RPS6KC1: variants seen among roughly 807,000 people sequenced by gnomAD.
RPS6KC1 encodes inactive ribosomal protein S6 kinase delta-1.
A neutral mutation model predicts 103.8 loss-of-function variants in RPS6KC1; 54 were observed. The ratio of observed to expected loss-of-function variants is 0.52; its 90% CI spans 0.42 to 0.65. RPS6KC1 has a LOEUF of 0.65. Ranked by LOEUF, RPS6KC1 falls within the 30% of genes least tolerant of loss-of-function variation. The probability of loss-of-function intolerance (pLI) is 0.00; values close to 1 mark genes in which losing one functional copy is unlikely to be tolerated. For missense variants in RPS6KC1, 1,151 were observed against 1,253.8 expected, an observed-to-expected ratio of 0.92 and a Z score of 1.24; for synonymous variants, 439 against 438.7, an observed-to-expected ratio of 1.00 and a Z score of -0.01.
chr1:213,828,067 C>T, the RPS6KC1 span, among the ~76,000 whole-genome samples: 4 of 151,866 alleles, frequency 2.6e-5, no homozygotes, highest in African/African-American at 9.7e-5. Flanking sequence ...GAGGAAATTC[C>T]TTTTTGTCAG....
At chr1:213,066,536 T>C (rs2078346488) in intron 1 of RPS6KC1, among the ~76,000 whole-genome samples, 1 of 152,244 alleles carries the variant, frequency 6.6e-6, no homozygotes, top group African/African-American at 2.4e-5. Context: ...ATAATAATCA[T>C]GAGTTACTGT....
chr1:213,664,503 G>C, the RPS6KC1 span, among the ~76,000 whole-genome samples: 129 of 151,846 alleles, frequency 8.5e-4, 2 homozygotes, highest in African/African-American at 3.0e-3. Flanking sequence ...TTCTGCTGCA[G>C]CTGCTACTGC....
intron 5 of RPS6KC1, among the ~76,000 whole-genome samples, chr1:213,128,523 G>GTGC (rs1419415303): frequency 1.3e-5 from 2 of 152,096 alleles, no homozygotes; most frequent in East Asian, 3.9e-4. Flanking sequence ...ATTGTGGATC[G>GTGC]TGCTCATTTA....
chr1:213,502,004 A>G, the RPS6KC1 span, among the ~76,000 whole-genome samples: 1 of 152,146 alleles, frequency 6.6e-6, no homozygotes, highest in East Asian at 1.9e-4. Flanking sequence ...AATTTACCTC[A>G]TGGTTGCATA....
chr1:213,759,472 A>T, the RPS6KC1 span, among the ~76,000 whole-genome samples: 2 of 152,154 alleles, frequency 1.3e-5, no homozygotes, highest in African/African-American at 2.4e-5. Context: ...TTTACTCATT[A>T]TCTCATTCAC....
the RPS6KC1 span, among the ~76,000 whole-genome samples, chr1:213,699,120 G>A: frequency 6.6e-5 from 10 of 151,812 alleles, no homozygotes; most frequent in East Asian, 5.8e-4. Context: ...ATAGTTATCC[G>A]GTTGTGCTAT....
the RPS6KC1 span, among the ~76,000 whole-genome samples, chr1:213,365,444 A>G: frequency 3.3e-5 from 5 of 152,228 alleles, no homozygotes; most frequent in African/African-American, 4.8e-5. Context: ...TTCCATAACT[A>G]TGCTGTAGTG....
At chr1:213,267,346 G>T (rs999556615) in intron 14 of RPS6KC1, among the ~76,000 whole-genome samples, 1 of 151,690 alleles carries the variant, frequency 6.6e-6, no homozygotes, top group Non-Finnish European at 1.5e-5. Flanking sequence ...AATGCAGTGG[G>T]AAGGGGACTT....
chr1:213,698,004 T>C, the RPS6KC1 span, among the ~76,000 whole-genome samples: 8 of 152,358 alleles, frequency 5.3e-5, no homozygotes, highest in Non-Finnish European at 7.3e-5. Flanking sequence ...GGGGCATTTC[T>C]ACATTGCCAG....
the RPS6KC1 span, among the ~76,000 whole-genome samples, chr1:213,285,346 G>GA: frequency 5.2e-4 from 3 of 5,796 alleles, no homozygotes; most frequent in Non-Finnish European, 8.6e-4. Context: ...CTGTCATACT[G>GA]GGGGGTAGGA....
the RPS6KC1 span, among the ~76,000 whole-genome samples, chr1:213,562,567 T>G: frequency 2.0e-5 from 3 of 151,942 alleles, no homozygotes; most frequent in East Asian, 5.8e-4. Flanking sequence ...CTTTTTGTAT[T>G]TTTTAGTTGC....
At chr1:213,507,018 G>A in the RPS6KC1 span, among the ~76,000 whole-genome samples, 5 of 152,266 alleles carry the variant, frequency 3.3e-5, no homozygotes, top group South Asian at 1.0e-3. Flanking sequence ...AATTATTCCA[G>A]GAGAGAGTGT....
chr1:213,489,801 G>C, the RPS6KC1 span, among the ~76,000 whole-genome samples: 41,223 of 152,070 alleles, frequency 0.27, 5,904 homozygotes, highest in Middle Eastern at 0.36. Context: ...TCTGAATGAG[G>C]CTAATATGTT....
chr1:213,426,260 G>A, the RPS6KC1 span, among the ~76,000 whole-genome samples: 2 of 152,178 alleles, frequency 1.3e-5, no homozygotes, highest in Non-Finnish European at 2.9e-5. Flanking sequence ...CAGTTTGGCT[G>A]CGGGAGGGCT....
At chr1:213,700,747 G>A in the RPS6KC1 span, among the ~76,000 whole-genome samples, 1 of 151,780 alleles carries the variant, frequency 6.6e-6, no homozygotes, top group Non-Finnish European at 1.5e-5. Context: ...GTGTTTTATA[G>A]TTTTCATTAC....
At chr1:213,281,797 C>G in the RPS6KC1 span, among the ~76,000 whole-genome samples, 1 of 152,192 alleles carries the variant, frequency 6.6e-6, no homozygotes, top group African/African-American at 2.4e-5. Flanking sequence ...CAACCACCCC[C>G]ACTCCCCAGG....
chr1:213,825,263 T>C, the RPS6KC1 span, among the ~76,000 whole-genome samples: 1 of 152,210 alleles, frequency 6.6e-6, no homozygotes, highest in Non-Finnish European at 1.5e-5. Flanking sequence ...CAGGACTCAC[T>C]TTCCACAGCA....
the RPS6KC1 span, among the ~76,000 whole-genome samples, chr1:213,859,531 A>G: frequency 6.6e-6 from 1 of 152,186 alleles, no homozygotes; most frequent in Non-Finnish European, 1.5e-5. Flanking sequence ...TTGCAGCACA[A>G]AAGCAGCCCT....
At chr1:213,570,279 T>G in the RPS6KC1 span, among the ~76,000 whole-genome samples, 2 of 152,134 alleles carry the variant, frequency 1.3e-5, no homozygotes, top group Non-Finnish European at 2.9e-5. Context: ...TTGTAAAGAT[T>G]AAGTGAGATT....
Sources: gnomAD v4.1 joint callset for allele counts (sites outside exome capture counted in the v4.1 genomes callset) on GRCh38, gnomAD v4.1.1 for gene constraint, MANE v1.5 for transcripts, NCBI Gene and HGNC (gene_info 2026-07-23, HGNC 2026-07-21) for gene names.